Variants in ITIH6 observed in about 807,000 individuals in gnomAD.
ITIH6 encodes inter-alpha-trypsin inhibitor heavy chain family member 6.
Under a neutral mutation model 58.2 loss-of-function variants are expected in ITIH6, and 60 were observed. The ratio of observed to expected loss-of-function variants is 1.03; its 90% CI spans 0.84 to 1.28. The LOEUF is 1.28. Among genes scored for constraint, ITIH6 ranks in the 50% most tolerant of loss-of-function variants. The pLI is 0.00. For missense variants in ITIH6, 1,290 were observed against 1,021.1 expected (o/e 1.26, Z -3.59); for synonymous variants, 493 against 417.4 (o/e 1.18, Z -2.21).
intron 6 of ITIH6, among the ~76,000 whole-genome samples, chrX:54,760,608 C>T (rs1928616839): frequency 9.0e-6 from 1 of 111,106 alleles, no homozygotes; most frequent in Non-Finnish European, 1.9e-5. Context: ...CTACAACAGG[C>T]CCCAGTGTGT....
intron 6 of ITIH6, among the ~76,000 whole-genome samples, chrX:54,764,775 A>G (rs1268492531): frequency 2.2e-5 from 2 of 92,562 alleles, no homozygotes; most frequent in Admixed American, 2.5e-4. Flanking sequence ...GTATATACCC[A>G]GTAATGGGAT....
chrX:54,791,110 G>A lies in ITIH6; in HGVS notation c.369-26C>T, dbSNP rs201354646. ...CTGGGCAGGAAAGGGAGGATGGTGG[G>A]AAGAGAAAGGGACCTTCAGAGGAGT... is the stretch of plus-strand genomic sequence containing the variant. On this transcript the variant is annotated intron_variant, in intron 3 of 12. Transcript: ENST00000218436. 1.2e-5 allele frequency: 15 copies of A among 1,203,499 alleles called. No homozygotes were observed. The African/African-American group carries it at 2.3e-4, about 18-fold the overall frequency.
chrX:54,778,812 C>G lies in ITIH6; in HGVS notation c.787-4615G>C, dbSNP rs1394276909. Among the ~76,000 whole-genome samples, 4 of 110,826 alleles carry G rather than the reference C, an allele frequency of 3.6e-5. No individual in the cohort carries two copies. In the Admixed American group the frequency reaches 3.8e-4, roughly 11 times the overall value. ...ACCAGAACACCAAGCAGATTTTACC[C>G]AAAAAAGACTACTTTGAGGAATTTT... is the stretch of plus-strand genomic sequence containing the variant. On this transcript the variant is annotated intron_variant, in intron 5 of 12. Coordinates refer to ENST00000218436, the MANE Select transcript of ITIH6 (RefSeq NM_198510.3).
At chrX:54,754,416 A>T (rs1928444229) in intron 9 of ITIH6, among the ~76,000 whole-genome samples, 1 of 111,981 alleles carries the variant, frequency 8.9e-6, no homozygotes, top group Non-Finnish European at 1.9e-5. Flanking sequence ...ACCCTATTGA[A>T]CTTATGAAGG....
rs137911364 is a variant in ITIH6, at chrX:54,749,974, C to A, written c.3863G>T (p.Arg1288Leu). ...LLKDSPRLLPRWASCWLVKRS... is the reference protein window; with the variant it reads ...LLKDSPRLLPLWASCWLVKRS... ...CTTCACCAGCCAGCAGGAAGCCCAG[C>A]GGGGCAGCAGCCTTGGTGAGTCCTT... Residue 1288 changes from arginine (R) to leucine (L), a missense_variant, in exon 13 of 13, where the codon CGC becomes CTC. Arg to Leu is a moderately radical substitution (Grantham distance 102). Coordinates refer to ENST00000218436, the MANE Select transcript of ITIH6 (RefSeq NM_198510.3). 2 of 1,211,487 alleles carry A rather than the reference C, an allele frequency of 1.7e-6. No homozygotes were observed. Among genetic ancestry groups the A allele is most frequent in the Non-Finnish European group, 2.2e-6 (2 of 895,334 alleles).
chrX:54,781,749 T>A (rs1168089082), intron 5 of ITIH6, among the ~76,000 whole-genome samples: 1 of 112,426 alleles, frequency 8.9e-6, no homozygotes, highest in African/African-American at 3.2e-5. Context: ...ATCAAAGGAT[T>A]GTAAGTTTTT....
chrX:54,750,175 G>T, intron 12 of ITIH6, 69 bp from the exon 13 acceptor site: 1 of 853,936 alleles, frequency 1.2e-6, no homozygotes, highest in Non-Finnish European at 1.7e-6. Context: ...CTGCAAGGAG[G>T]CCCAGCAGGA....
chrX:54,769,701 G>A (rs1438304827), intron 6 of ITIH6, among the ~76,000 whole-genome samples: 1 of 94,884 alleles, frequency 1.1e-5, no homozygotes, highest in Non-Finnish European at 2.1e-5. Flanking sequence ...GGGGGTCAGG[G>A]GTCAGGGACC....
In ITIH6 at chrX:54,757,683, G is replaced by C. The variant is rs1928525537; in HGVS notation, c.2391C>G (p.Leu797=). Residue 797 remains leucine, a synonymous_variant, in exon 8 of 13, where the codon CTC becomes CTG. Transcript: ENST00000218436. ...GCAGGCCTTTAGGTGCCTGTGATGT[G>C]AGTGCCCCAAGTTGGGGGTGCGATG... ...GAPSHPQLGA[L]TSQAPKGLPQ... is the part of the protein sequence containing the mutation. 1 of 1,208,741 alleles carries C rather than the reference G, an allele frequency of 8.3e-7. No homozygotes were observed.
chrX:54,767,914 G>C (rs1230932199), intron 6 of ITIH6, among the ~76,000 whole-genome samples: 5 of 80,129 alleles, frequency 6.2e-5, no homozygotes, highest in Non-Finnish European at 8.9e-5. Context: ...GGTCCGCTTG[G>C]TGCAGAGCTG....
intron 6 of ITIH6, among the ~76,000 whole-genome samples, chrX:54,763,427 T>C (rs904789791): frequency 4.5e-5 from 5 of 112,154 alleles, no homozygotes; most frequent in African/African-American, 1.6e-4. Flanking sequence ...ACTGTAGAAG[T>C]GTGCTGTTTA....
chrX:54,759,667 T>C, intron 7 of ITIH6, 89 bp downstream of exon 7: 3 of 726,881 alleles, frequency 4.1e-6, no homozygotes, highest in Non-Finnish European at 6.0e-6. Flanking sequence ...CTGTGAGAGT[T>C]GAGGAGGATG....
At chrX:54,790,475 A>T (rs149643737) in intron 4 of ITIH6, among the ~76,000 whole-genome samples, 2,109 of 112,095 alleles carry the variant, frequency 0.019, 38 homozygotes, top group African/African-American at 0.063. Context: ...CTCAGTGGGG[A>T]TCCAGGGAAA....
At position 54,757,861 on chromosome X, in the gene ITIH6, G is replaced by C. The variant is rs745438900; in HGVS notation, c.2213C>G (p.Pro738Arg). ...LVPSNSGTLL[P>R]LKPGSLSHQN... ...GTGTGATAGAGAGCCGGGCTTCAGAGGCAACAGAGTACCAGAATTTGAGGG... is the reference window on the plus strand; with the variant it reads ...GTGTGATAGAGAGCCGGGCTTCAGACGCAACAGAGTACCAGAATTTGAGGG... Residue 738 changes from proline (P) to arginine (R), a missense_variant, in exon 8 of 13, where the codon CCT becomes CGT. Transcript: ENST00000218436. The C allele has an allele frequency of 8.3e-7, 1 of 1,211,659 alleles. No homozygotes were observed. Among genetic ancestry groups the C allele is most frequent in the East Asian group, 3.0e-5 (1 of 33,832 alleles).
In ITIH6 at chrX:54,798,131, A is replaced by C. The variant is rs746031182; in HGVS notation, c.80T>G (p.Val27Gly). The change falls in exon 1 of 13, where the codon GTC (valine) becomes GGC (glycine). Residue 27 changes from valine (V) to glycine (G), a missense_variant. By Grantham distance (109) the Val-to-Gly change is moderately radical. Coordinates refer to ENST00000218436, the MANE Select transcript of ITIH6 (RefSeq NM_198510.3). ...LLELTYQGPP[V>G]PASSSTKLLM... The stretch of plus-strand genomic sequence containing the variant: ...GACCTTTGTGCTTGATGAAGCGGGG[A>C]CAGGGGGTCCCTGGTATGTCAGTTC... 17 of 1,188,734 alleles carry C rather than the reference A, an allele frequency of 1.4e-5. No individual in the cohort carries two copies. The highest frequency in any genetic ancestry group is 2.3e-4 in the Middle Eastern group (1 of 4,306).
Position 54,758,007 on chromosome X carries a change from T to A in ITIH6, c.2067A>T (p.Pro689=). The change falls in exon 8 of 13, where the codon CCA becomes CCT. Residue 689 remains proline, a synonymous_variant. Transcript: ENST00000218436. ...ACAGGGTATGAGGGCTCTCTCCCAATGGCTCCAGCTCTTTGGAACTTAGCA... is the reference window on the plus strand; with the variant it reads ...ACAGGGTATGAGGGCTCTCTCCCAAAGGCTCCAGCTCTTTGGAACTTAGCA... ...KKMLSSKELE[P]LGESPHTLSM... is the part of the protein sequence containing the mutation. The A allele has an allele frequency of 3.3e-6, 4 of 1,211,666 alleles. No homozygotes were observed. The East Asian group carries it at 1.2e-4, about 36-fold the overall frequency.
intron 5 of ITIH6, among the ~76,000 whole-genome samples, chrX:54,784,102 A>T (rs916235429): frequency 7.1e-5 from 8 of 112,011 alleles, no homozygotes; most frequent in African/African-American, 2.6e-4. Context: ...CAGTCGCCTC[A>T]ATAAATGGTG....
intron 5 of ITIH6, among the ~76,000 whole-genome samples, chrX:54,780,360 A>G (rs996765167): frequency 1.8e-5 from 2 of 112,425 alleles, no homozygotes; most frequent in African/African-American, 6.5e-5. Flanking sequence ...AATCAATAAC[A>G]AAAGGAACTT....
At chrX:54,776,417 G>A (rs1602062386) in intron 5 of ITIH6, among the ~76,000 whole-genome samples, 1 of 110,460 alleles carries the variant, frequency 9.1e-6, no homozygotes, top group East Asian at 2.9e-4. Flanking sequence ...TGGGCCCAGA[G>A]ACAGTGGACT....
Sources: gnomAD v4.1 joint callset for allele counts (sites outside exome capture counted in the v4.1 genomes callset) on GRCh38, gnomAD v4.1.1 for gene constraint, MANE v1.5 for transcripts, NCBI Gene and HGNC (gene_info 2026-07-23, HGNC 2026-07-21) for gene names.